Variants in MMP8 observed in about 807,000 individuals in gnomAD.
MMP8 encodes the protein neutrophil collagenase.
Under a neutral mutation model 51.2 loss-of-function variants are expected in MMP8, and 67 were observed. That is an observed-to-expected ratio of 1.31 (90% confidence interval 1.08 to 1.60). The LOEUF (loss-of-function observed/expected upper bound fraction) is 1.60, where lower values mean the gene tolerates loss of function less well. MMP8 is among the 40% of genes most tolerant of loss of function. MMP8 has a pLI of 0.00. For missense variants in MMP8, 654 were observed against 558.1 expected (o/e 1.17, Z -1.73); for synonymous variants, 225 against 191.0 (o/e 1.18, Z -1.47).
rs753799664 is a variant in MMP8 at position 102,722,551 on chromosome 11, C to G, written c.225G>C (p.Thr75=). 1.9e-6 allele frequency: 3 copies of G among 1,613,878 alleles called. No individual in the cohort carries two copies. The highest frequency in any genetic ancestry group is 8.5e-7 in the Non-Finnish European group (1 of 1,179,826). The change falls in exon 2 of 10, where the codon ACG becomes ACC. Residue 75 remains threonine (T), a synonymous_variant. Coordinates refer to ENST00000236826, the MANE Select transcript of MMP8 (RefSeq NM_002424.3). ...EMQRFFGLNV[T]GKPNEETLDM... ...CCAGAGTTTCCTCATTTGGCTTCCC[C>G]GTCACATTCAACCCAAAAAATCGCT...
chr11:102,719,756 A>G (rs1260289444), intron 4 of MMP8, among the ~76,000 whole-genome samples: 4 of 152,240 alleles, frequency 2.6e-5, no homozygotes, highest in Non-Finnish European at 5.9e-5. Flanking sequence ...CGTGAAAGGA[A>G]CTGTGGGCAA....
intron 1 of MMP8, 41 bp downstream of exon 1, chr11:102,724,713 A>T (rs369969125): frequency 2.6e-4 from 397 of 1,510,142 alleles, no homozygotes; most frequent in Middle Eastern, 5.3e-4. Context: ...ATTTCCTAAT[A>T]ATCAGCAAAT....
intron 1 of MMP8, chr11:102,723,735 C>T (rs568251257): frequency 3.8e-5 from 11 of 289,174 alleles, no homozygotes; most frequent in African/African-American, 2.2e-4. Flanking sequence ...TCTTAATGAC[C>T]TAAGTACTTC....
In MMP8 at chr11:102,711,947, A is replaced by C. The variant is rs1223120817; in HGVS notation, c.*1401T>G. ...GGTACTAGTGAGAAATATATTTTAC[A>C]GTCTACATATTTATTGTATAATAAG... On this transcript the variant is annotated 3_prime_UTR_variant, in exon 10 of 10. Transcript: ENST00000236826. 3 of 152,220 alleles carry C rather than the reference A, an allele frequency of 2.0e-5. No individual in the cohort carries two copies. Among genetic ancestry groups the C allele is most frequent in the African/African-American group, 7.2e-5 (3 of 41,458 alleles). 9.4% of individuals were successfully genotyped at this position (152,220 alleles called of 1,614,324 possible). A position where few individuals can be genotyped will look rare whatever the true frequency, so the allele number is the denominator to read the frequency against.
intron 4 of MMP8, among the ~76,000 whole-genome samples, chr11:102,718,986 T>G (rs747034671): frequency 1.3e-5 from 2 of 152,094 alleles, no homozygotes; most frequent in Non-Finnish European, 2.9e-5. Context: ...GAGCAAGTAG[T>G]TAGAAGAGAA....
intron 5 of MMP8, among the ~76,000 whole-genome samples, chr11:102,717,516 C>T (rs1861333129): frequency 6.6e-6 from 1 of 152,098 alleles, no homozygotes; most frequent in Non-Finnish European, 1.5e-5. Flanking sequence ...TTCTTTTTCA[C>T]AAAGTACCAA....
In MMP8 at chr11:102,713,746, C is replaced by A; in HGVS notation, c.1294+8G>T. ...AACACATTTATTAGGTTTTTTTTTC[C>A]TACTTACGTTCTTGCTGGAAAACTG... On this transcript the variant is annotated splice_region_variant and intron_variant, in intron 9 of 9. Transcript: ENST00000236826. The A allele has an allele frequency of 6.4e-7, 1 of 1,571,996 alleles. No individual in the cohort carries two copies. Among genetic ancestry groups the A allele is most frequent in the South Asian group, 1.2e-5 (1 of 86,064 alleles).
intron 4 of MMP8, among the ~76,000 whole-genome samples, chr11:102,720,973 C>T (rs756245797): frequency 2.6e-5 from 4 of 151,586 alleles, no homozygotes; most frequent in Non-Finnish European, 4.4e-5. Flanking sequence ...AAAGCAGTAT[C>T]TGTAAAGAAC....
Position 102,716,285 on chromosome 11 carries a change from A to G in MMP8, c.902+17T>C. 3 of 1,521,992 alleles carry G rather than the reference A, an allele frequency of 2.0e-6. No homozygotes were observed. Among genetic ancestry groups the G allele is most frequent in the Non-Finnish European group, 2.7e-6 (3 of 1,105,048 alleles). The allele number at this position is 1,521,992 out of a possible 1,614,324, so 94.3% of individuals were successfully genotyped here. Reference sequence around the variant, plus strand: ...TCAGTAAGAGGAATCAAAGGAAGAAATATTTCAATTTTATACCTGTCTTTA... The same window carrying G: ...TCAGTAAGAGGAATCAAAGGAAGAAGTATTTCAATTTTATACCTGTCTTTA... On this transcript the variant is annotated intron_variant, in intron 6 of 9. Transcript: ENST00000236826.
At chr11:102,722,935 G>A (rs1861517425) in intron 1 of MMP8, 10 of 1,199,124 alleles carry the variant, frequency 8.3e-6, no homozygotes, top group South Asian at 1.3e-5. Context: ...CAGGCAAAGT[G>A]CTACTCTACA....
chr11:102,721,639 A>G lies in MMP8; in HGVS notation c.471T>C (p.Asp157=). The part of the protein sequence containing the change: ...IFTRISQGEA[D]INIAFYQRDH... The stretch of plus-strand genomic sequence containing the variant: ...CTCTTTGGTAAAAAGCAATGTTGAT[A>G]TCTGCCTCTCCCTGTGAGATCCTGG... Residue 157 remains aspartate, a synonymous_variant, in exon 3 of 10, where the codon GAT becomes GAC. Transcript: ENST00000236826. The G allele has an allele frequency of 6.2e-7, 1 of 1,613,880 alleles. No homozygotes were observed. The highest frequency in any genetic ancestry group is 8.5e-7 in the Non-Finnish European group (1 of 1,179,830).
chr11:102,718,690 A>G, intron 4 of MMP8, 115 bp from the exon 5 acceptor site: 1 of 1,128,212 alleles, frequency 8.9e-7, no homozygotes, highest in Non-Finnish European at 1.3e-6. Flanking sequence ...AGCCCTTCCC[A>G]TGGCTGTCTT....
rs1270403666 is a variant in MMP8 at position 102,718,644 on chromosome 11, G to A, written c.623-69C>T. 7.6e-6 allele frequency: 12 copies of A among 1,573,924 alleles called. No individual in the cohort carries two copies. The East Asian group carries it at 2.7e-4, about 35-fold the overall frequency. On this transcript the variant is annotated intron_variant, in intron 4 of 9. Coordinates refer to ENST00000236826, the MANE Select transcript of MMP8 (RefSeq NM_002424.3). ...AGGGTGGCAGAAACATGATCTCAAG[G>A]AATGCAACCTCCAAGTCAAAACTGC...
chr11:102,715,574 T>C, intron 6 of MMP8, 137 bp from the exon 7 acceptor site: 1 of 1,169,508 alleles, frequency 8.6e-7, no homozygotes, highest in South Asian at 1.6e-5. Flanking sequence ...GCAAAGTTCC[T>C]AGCACAGTGA....
chr11:102,724,482 C>A (rs1372011442), intron 1 of MMP8, among the ~76,000 whole-genome samples: 1 of 152,044 alleles, frequency 6.6e-6, no homozygotes, highest in Admixed American at 6.6e-5. Flanking sequence ...TAAATAAAAC[C>A]ATTTCTTCTA....
chr11:102,716,375 T>C lies in MMP8; in HGVS notation c.829A>G (p.Lys277Glu), dbSNP rs1169960818. Residue 277 changes from lysine to glutamate, a missense_variant, in exon 6 of 10, where the codon AAA (lysine) becomes GAA (glutamate). By Grantham distance (56) the Lys-to-Glu change is moderately conservative. Transcript: ENST00000236826. ...PIQPTGPSTP[K>E]PCDPSLTFDA... ...AATGTCAAACTGGGGTCACAGGGTT[T>C]GGGTGTGCTTGGTCCAGTAGGTTGG... is the stretch of plus-strand genomic sequence containing the variant. 1.3e-6 allele frequency: 2 copies of C among 1,585,798 alleles called. No homozygotes were observed. The highest frequency in any genetic ancestry group is 2.8e-5 in the African/African-American group (2 of 70,334).
intron 2 of MMP8, 43 bp from the exon 3 acceptor site, chr11:102,721,805 A>G (rs1455652569): frequency 6.2e-7 from 1 of 1,602,762 alleles, no homozygotes; most frequent in Admixed American, 1.7e-5. Flanking sequence ...TGTTATTTAG[A>G]ACAGTAGTCC....
At chr11:102,717,298 A>G (rs1376892042) in intron 5 of MMP8, among the ~76,000 whole-genome samples, 1 of 152,242 alleles carries the variant, frequency 6.6e-6, no homozygotes, top group African/African-American at 2.4e-5. Context: ...GGTCTTATCC[A>G]GGCAATATGG....
intron 9 of MMP8, 52 bp from the exon 10 acceptor site, chr11:102,713,509 T>A (rs1939019): frequency 1.6e-5 from 23 of 1,435,320 alleles, no homozygotes; most frequent in Non-Finnish European, 2.1e-5. Flanking sequence ...ATATCTCAGA[T>A]GTCTTCAGTT....
Sources: allele counts gnomAD v4.1 joint callset (sites outside exome capture counted in the v4.1 genomes callset), GRCh38; gene constraint gnomAD v4.1.1; transcripts MANE v1.5; gene names NCBI Gene and HGNC (gene_info 2026-07-23, HGNC 2026-07-21).